The following IQCJ variants were observed in gnomAD, a reference collection of about 807,000 sequenced individuals.
The protein encoded by IQCJ is IQ domain-containing protein J.
Under a neutral mutation model 11.0 loss-of-function variants are expected in IQCJ, and 9 were observed. The ratio of observed to expected loss-of-function variants is 0.82; its 90% CI spans 0.49 to 1.43. The LOEUF is 1.43. Among genes scored for constraint, IQCJ ranks in the 40% most tolerant of loss-of-function variants. IQCJ has a pLI of 0.00. For missense variants in IQCJ, 146 were observed against 133.2 expected, an observed-to-expected ratio of 1.10 and a Z score of -0.47; for synonymous variants, 55 against 51.3, an observed-to-expected ratio of 1.07 and a Z score of -0.31.
intron 1 of IQCJ, among the ~76,000 whole-genome samples, chr3:159,181,748 C>G (rs1039771963): frequency 6.6e-6 from 1 of 151,742 alleles, no homozygotes; most frequent in Non-Finnish European, 1.5e-5. Context: ...TTGACTTTCT[C>G]TTTTCCACCT....
intron 1 of IQCJ, among the ~76,000 whole-genome samples, chr3:159,109,181 G>A (rs749363822): frequency 9.2e-5 from 14 of 152,152 alleles, no homozygotes; most frequent in Non-Finnish European, 1.6e-4. Flanking sequence ...TAGGTTGATG[G>A]AAAGTTGTTT....
At chr3:159,140,212 G>C (rs1007539579) in intron 1 of IQCJ, among the ~76,000 whole-genome samples, 15 of 152,256 alleles carry the variant, frequency 9.9e-5, no homozygotes, top group Middle Eastern at 3.4e-3. Flanking sequence ...TACAGTCTAT[G>C]TGTTTTGACA....
chr3:159,215,489 T>C (rs1241760373), intron 1 of IQCJ, among the ~76,000 whole-genome samples: 3 of 152,128 alleles, frequency 2.0e-5, no homozygotes, highest in Middle Eastern at 3.2e-3. Context: ...AAATCATAAC[T>C]CTTATACAGA....
rs529718464 is a variant in IQCJ at position 159,090,811 on chromosome 3, T to C, written c.9+21370T>C. On this transcript the variant is annotated intron_variant, in intron 1 of 3. Transcript: ENST00000397832. ...GACTTGGGCTTCCCACCTTTTCTTT[T>C]CACAAAATTAATCAATTGGAAGGAA... Among the ~76,000 whole-genome samples, 13 of 151,986 alleles carry C rather than the reference T, an allele frequency of 8.6e-5. No individual in the cohort carries two copies. The South Asian group carries it at 2.7e-3, about 31-fold the overall frequency.
intron 1 of IQCJ, 24 bp downstream of exon 1, chr3:159,069,465 G>C (rs201679020): frequency 3.2e-5 from 51 of 1,606,310 alleles, no homozygotes; most frequent in Non-Finnish European, 4.2e-5. Context: ...TTTTCTAAAC[G>C]TGCCACTTTG....
rs148967772 is a variant in IQCJ at position 159,142,727 on chromosome 3, G to T, written c.9+73286G>T. On this transcript the variant is annotated intron_variant, in intron 1 of 3. Coordinates refer to ENST00000397832, the MANE Select transcript of IQCJ (RefSeq NM_001042706.3). ...GCCACCGTACCCAGCCCGGGGGCAG[G>T]TCTTTTATTTTATTTTATTTTTTAT... Among the ~76,000 whole-genome samples, 497 of 152,236 alleles carry T rather than the reference G, an allele frequency of 3.3e-3. 8 individuals carry two copies. The highest frequency in any genetic ancestry group is 0.01 in the African/African-American group (436 of 41,558).
chr3:159,216,757 T>C (rs760028944), intron 1 of IQCJ, among the ~76,000 whole-genome samples: 1 of 152,142 alleles, frequency 6.6e-6, no homozygotes, highest in Non-Finnish European at 1.5e-5. Flanking sequence ...GTGTGTTCAG[T>C]TGGCAATACA....
chr3:159,122,397 C>T (rs1027031079), intron 1 of IQCJ, among the ~76,000 whole-genome samples: 2 of 152,176 alleles, frequency 1.3e-5, no homozygotes, highest in Non-Finnish European at 2.9e-5. Flanking sequence ...ACTTCGTTGA[C>T]AAGGGAAGAC....
intron 2 of IQCJ, among the ~76,000 whole-genome samples, chr3:159,251,592 G>C (rs1727603177): frequency 6.7e-6 from 1 of 150,290 alleles, no homozygotes; most frequent in African/African-American, 2.4e-5. Flanking sequence ...ATGTAGTTGG[G>C]GGAGTAATGT....
chr3:159,252,841 G>T (rs767257993), intron 3 of IQCJ, 34 bp downstream of exon 3: 1 of 1,583,296 alleles, frequency 6.3e-7, no homozygotes, highest in South Asian at 1.2e-5. Flanking sequence ...TAAGCAATTA[G>T]TTCTAGTTTT....
At chr3:159,118,084 A>G (rs186599441) in intron 1 of IQCJ, among the ~76,000 whole-genome samples, 1 of 152,344 alleles carries the variant, frequency 6.6e-6, no homozygotes, top group Non-Finnish European at 1.5e-5. Flanking sequence ...AAGTGTATTA[A>G]CTTTTTCCTG....
intron 1 of IQCJ, among the ~76,000 whole-genome samples, chr3:159,196,699 T>C (rs552400065): frequency 1.3e-5 from 2 of 152,292 alleles, no homozygotes; most frequent in South Asian, 4.1e-4. Context: ...TTCCCAGTCT[T>C]ATTACTGCCC....
chr3:159,218,708 T>G (rs1025001416), intron 1 of IQCJ, among the ~76,000 whole-genome samples: 3 of 152,136 alleles, frequency 2.0e-5, no homozygotes, highest in African/African-American at 4.8e-5. Flanking sequence ...CAGATTTCAT[T>G]TGGGGGCTGT....
chr3:159,223,860 A>T (rs1347086365), intron 1 of IQCJ, among the ~76,000 whole-genome samples: 1 of 152,158 alleles, frequency 6.6e-6, no homozygotes, highest in Non-Finnish European at 1.5e-5. Flanking sequence ...CAGGCTATGT[A>T]TGTAAGGTGT....
At chr3:159,083,865 T>C (rs1294021387) in intron 1 of IQCJ, among the ~76,000 whole-genome samples, 2 of 152,084 alleles carry the variant, frequency 1.3e-5, no homozygotes, top group Non-Finnish European at 2.9e-5. Flanking sequence ...GACAAAATTA[T>C]ATAGATGGGG....
intron 1 of IQCJ, among the ~76,000 whole-genome samples, chr3:159,216,126 G>A (rs1405078891): frequency 6.7e-6 from 1 of 148,714 alleles, no homozygotes; most frequent in African/African-American, 2.5e-5. Flanking sequence ...AGAAAGAATT[G>A]AGGCTCTTAT....
intron 1 of IQCJ, among the ~76,000 whole-genome samples, chr3:159,077,745 A>G (rs1476602448): frequency 6.6e-6 from 1 of 152,046 alleles, no homozygotes; most frequent in Admixed American, 6.6e-5. Flanking sequence ...GTACTTTTCC[A>G]TTTCACTTTA....
At chr3:159,178,881 A>C (rs1237976893) in intron 1 of IQCJ, among the ~76,000 whole-genome samples, 4 of 152,160 alleles carry the variant, frequency 2.6e-5, no homozygotes, top group Non-Finnish European at 5.9e-5. Context: ...TCTTCTGATC[A>C]GGGCACTTAC....
At chr3:159,190,747 T>A (rs546418687) in intron 1 of IQCJ, among the ~76,000 whole-genome samples, 32 of 152,344 alleles carry the variant, frequency 2.1e-4, no homozygotes, top group African/African-American at 7.7e-4. Flanking sequence ...GACATTTTGC[T>A]GAACTTTTCC....
Sources: gnomAD v4.1 joint callset for allele counts (sites outside exome capture counted in the v4.1 genomes callset) on GRCh38, gnomAD v4.1.1 for gene constraint, MANE v1.5 for transcripts, NCBI Gene and HGNC (gene_info 2026-07-23, HGNC 2026-07-21) for gene names.